Variants in KHDRBS2 observed in about 807,000 individuals in gnomAD.
KHDRBS2 encodes the protein KH RNA binding domain containing, signal transduction associated 2.
Under a neutral mutation model 44.3 loss-of-function variants are expected in KHDRBS2, and 26 were observed. The observed-to-expected ratio is 0.59, with a 90% CI of 0.43 to 0.81. KHDRBS2 has a LOEUF of 0.81. Among genes scored for constraint, KHDRBS2 ranks in the 40% least tolerant of loss-of-function variants. The probability of loss-of-function intolerance (pLI) is 0.00; values close to 1 mark genes in which losing one functional copy is unlikely to be tolerated. For missense variants in KHDRBS2, 476 were observed against 433.1 expected (o/e 1.10, Z -0.88); for synonymous variants, 194 against 151.1 (o/e 1.28, Z -2.08).
intron 2 of KHDRBS2, among the ~76,000 whole-genome samples, chr6:62,121,636 G>C (rs1474701565): frequency 6.6e-6 from 1 of 152,158 alleles, no homozygotes; most frequent in Non-Finnish European, 1.5e-5. Context: ...TACCTTCACT[G>C]TCCTGCCTCA....
intron 2 of KHDRBS2, among the ~76,000 whole-genome samples, chr6:62,067,802 T>C (rs1794092902): frequency 6.6e-6 from 1 of 151,632 alleles, no homozygotes; most frequent in South Asian, 2.1e-4. Context: ...TAGTTTTACC[T>C]AGACTGCACA....
rs1188471190 is a variant in KHDRBS2, at chr6:61,993,650, CATATATAT to C, written c.337-15446_337-15439del. Among the ~76,000 whole-genome samples, 341 of 66,402 alleles carry C rather than the reference CATATATAT, an allele frequency of 5.1e-3. 7 individuals carry two copies. Among genetic ancestry groups the C allele is most frequent in the African/African-American group, 0.013 (326 of 25,220 alleles). The allele number at this position is 66,402 out of a possible 152,430, so 43.6% of individuals were successfully genotyped here. On this transcript the variant is annotated intron_variant, in intron 3 of 8. Transcript: ENST00000281156. ...CTCTACTCCTTCAGTCCCATAAAAT[CATATATAT>C]ATATATATATATATATTTTTTTTTT...
At chr6:61,601,496 C>T in the KHDRBS2 span, among the ~76,000 whole-genome samples, 2 of 152,096 alleles carry the variant, frequency 1.3e-5, no homozygotes, top group African/African-American at 2.4e-5. Context: ...ATGGCACTTT[C>T]AATTTTTCCA....
intron 2 of KHDRBS2, among the ~76,000 whole-genome samples, chr6:62,125,855 C>A (rs1383490028): frequency 6.6e-6 from 1 of 152,156 alleles, no homozygotes. Flanking sequence ...AGGAAGTATT[C>A]ACCTTGGGCC....
At chr6:61,576,028 C>T in the KHDRBS2 span, among the ~76,000 whole-genome samples, 99 of 151,988 alleles carry the variant, frequency 6.5e-4, 1 homozygote, top group Middle Eastern at 0.014. Context: ...GATGGGTGCA[C>T]CAAAATATTG....
the KHDRBS2 span, among the ~76,000 whole-genome samples, chr6:61,654,382 G>C: frequency 6.6e-6 from 1 of 151,852 alleles, no homozygotes; most frequent in Non-Finnish European, 1.5e-5. Context: ...ACTAGAGGAG[G>C]AGAGCTGTAA....
At chr6:61,885,334 C>G in intron 6 of KHDRBS2, among the ~76,000 whole-genome samples, 1 of 152,174 alleles carries the variant, frequency 6.6e-6, no homozygotes, top group Non-Finnish European at 1.5e-5. Context: ...TGGCATTGTT[C>G]TGATATTTGG....
intron 6 of KHDRBS2, among the ~76,000 whole-genome samples, chr6:61,782,040 G>C (rs923900861): frequency 1.3e-5 from 2 of 152,106 alleles, no homozygotes; most frequent in Non-Finnish European, 1.5e-5. Context: ...TTGGCTTTTG[G>C]GGGGTGGGTT....
intron 6 of KHDRBS2, among the ~76,000 whole-genome samples, chr6:61,770,461 G>A (rs544016279): frequency 6.6e-6 from 1 of 152,248 alleles, no homozygotes; most frequent in East Asian, 1.9e-4. Context: ...GAATGGATAA[G>A]TAGAATAACC....
intron 7 of KHDRBS2, among the ~76,000 whole-genome samples, chr6:61,707,840 A>G (rs1196537299): frequency 6.6e-6 from 1 of 151,732 alleles, no homozygotes; most frequent in African/African-American, 2.4e-5. Flanking sequence ...ATCCAGTCAT[A>G]ATGGAAAACC....
the KHDRBS2 span, among the ~76,000 whole-genome samples, chr6:61,556,638 T>A: frequency 6.6e-6 from 1 of 152,072 alleles, no homozygotes; most frequent in South Asian, 2.1e-4. Flanking sequence ...AGCATGGTGT[T>A]TTTCTTTCAG....
rs182116602 is a variant in KHDRBS2 at position 61,803,922 on chromosome 6, T to A, written c.811-71158A>T. Among the ~76,000 whole-genome samples, 343 of 152,208 alleles carry A rather than the reference T, an allele frequency of 2.3e-3. 2 individuals are homozygous for A. The highest frequency in any genetic ancestry group is 8.0e-3 in the African/African-American group (334 of 41,534). On this transcript the variant is annotated intron_variant, in intron 6 of 8. Transcript: ENST00000281156. ...GGTCCCTACCCCAACATATGGAGAT[T>A]ACAATTCAAGATGAGATTTGAGTGG... is the stretch of plus-strand genomic sequence containing the variant.
At chr6:62,168,889 G>C (rs1335751693) in intron 2 of KHDRBS2, among the ~76,000 whole-genome samples, 2 of 151,630 alleles carry the variant, frequency 1.3e-5, no homozygotes. Flanking sequence ...CTGAATGCCT[G>C]AAAGACATTG....
intron 1 of KHDRBS2, among the ~76,000 whole-genome samples, chr6:62,255,430 T>C (rs1837208662): frequency 6.6e-6 from 1 of 152,062 alleles, no homozygotes; most frequent in African/African-American, 2.4e-5. Context: ...GTAGATACTA[T>C]TGCTATCTCC....
At chr6:61,744,738 C>T (rs1351419472) in intron 6 of KHDRBS2, among the ~76,000 whole-genome samples, 3 of 151,808 alleles carry the variant, frequency 2.0e-5, no homozygotes, top group Non-Finnish European at 4.4e-5. Context: ...TTTCTGGATT[C>T]CTTTGTCTTC....
At chr6:61,939,793 G>A (rs1477996232) in intron 4 of KHDRBS2, among the ~76,000 whole-genome samples, 1 of 152,160 alleles carries the variant, frequency 6.6e-6, no homozygotes, top group African/African-American at 2.4e-5. Flanking sequence ...TGGTTCATTA[G>A]ACATTGAAAG....
chr6:61,772,519 A>C (rs1311813260), intron 6 of KHDRBS2, among the ~76,000 whole-genome samples: 2 of 152,356 alleles, frequency 1.3e-5, no homozygotes, highest in East Asian at 3.9e-4. Context: ...CTACCATCAG[A>C]GAATACTATA....
At chr6:62,007,419 G>C (rs1318497627) in intron 3 of KHDRBS2, among the ~76,000 whole-genome samples, 1 of 145,462 alleles carries the variant, frequency 6.9e-6, no homozygotes, top group African/African-American at 2.6e-5. Flanking sequence ...TTTTTCTTTT[G>C]TCATACATAG....
intron 6 of KHDRBS2, among the ~76,000 whole-genome samples, chr6:61,736,793 T>C (rs747282869): frequency 5.9e-5 from 9 of 152,052 alleles, no homozygotes; most frequent in African/African-American, 9.7e-5. Context: ...CTTTTCCTGC[T>C]TCTAACAACC....
Sources: gnomAD v4.1 joint callset for allele counts (sites outside exome capture counted in the v4.1 genomes callset) on GRCh38, gnomAD v4.1.1 for gene constraint, MANE v1.5 for transcripts, NCBI Gene and HGNC (gene_info 2026-07-23, HGNC 2026-07-21) for gene names.